ASIC2: variants seen among roughly 807,000 people sequenced by gnomAD.
ASIC2 encodes acid sensing ion channel subunit 2.
A neutral mutation model predicts 57.3 loss-of-function variants in ASIC2; 25 were observed. That is an observed-to-expected ratio of 0.44 (90% confidence interval 0.32 to 0.61). ASIC2 has a LOEUF of 0.61. ASIC2 is among the 20% of genes least tolerant of loss of function. The pLI is 0.06. For synonymous variants in ASIC2, 319 were observed against 307.5 expected (o/e 1.04, Z -0.39); for missense variants, 641 against 738.1 (o/e 0.87, Z 1.52).
chr17:33,887,396 G>C (rs994875668), intron 1 of ASIC2, among the ~76,000 whole-genome samples: 2 of 152,164 alleles, frequency 1.3e-5, no homozygotes, highest in South Asian at 2.1e-4. Context: ...GGTCCTAGAA[G>C]AAGAAGGCAC....
intron 1 of ASIC2, among the ~76,000 whole-genome samples, chr17:33,696,996 A>C (rs1334954871): frequency 6.6e-6 from 1 of 152,064 alleles, no homozygotes; most frequent in Non-Finnish European, 1.5e-5. Flanking sequence ...ATGGTTTTGC[A>C]CCATTCCTCT....
At chr17:33,421,419 G>T (rs1267489698) in intron 1 of ASIC2, among the ~76,000 whole-genome samples, 1 of 152,240 alleles carries the variant, frequency 6.6e-6, no homozygotes, top group Non-Finnish European at 1.5e-5. Context: ...GTAAGCGTCA[G>T]AGCTTTCCTC....
chr17:33,157,532 C>T lies in ASIC2; in HGVS notation c.709-45465G>A, dbSNP rs575883022. Among the ~76,000 whole-genome samples the T allele has an allele frequency of 2.1e-4, 32 of 152,268 alleles. No individual in the cohort carries two copies. In the South Asian group the frequency reaches 6.6e-3, roughly 32 times the overall value. ...TAGCTTATTATAAGTAAACTACATC[C>T]TTATAGTTTCTTGGGTCAGACATCC... On this transcript the variant is annotated intron_variant, in intron 1 of 9. Coordinates refer to ENST00000225823, the MANE Select transcript of ASIC2 (RefSeq NM_183377.2).
intron 1 of ASIC2, chr17:33,692,135 T>C (rs1249922999): frequency 1.3e-5 from 2 of 152,144 alleles, no homozygotes; most frequent in African/African-American, 2.4e-5. Flanking sequence ...CCATACTCAA[T>C]ACACCATATT....
At chr17:33,229,023 C>T (rs1188428823) in intron 1 of ASIC2, among the ~76,000 whole-genome samples, 3 of 152,178 alleles carry the variant, frequency 2.0e-5, no homozygotes, top group African/African-American at 4.8e-5. Flanking sequence ...TGAGAAGTTT[C>T]ATCCAGAGGA....
intron 1 of ASIC2, among the ~76,000 whole-genome samples, chr17:34,031,239 C>A (rs1237105730): frequency 6.6e-6 from 1 of 152,176 alleles, no homozygotes. Context: ...GCTGTGGATA[C>A]CCAGGCAAAC....
At chr17:33,958,089 C>T (rs1300202305) in intron 1 of ASIC2, among the ~76,000 whole-genome samples, 1 of 152,242 alleles carries the variant, frequency 6.6e-6, no homozygotes, top group Non-Finnish European at 1.5e-5. Flanking sequence ...TGTCTCACAT[C>T]CAGGTTATGC....
At chr17:34,028,812 G>A (rs1325197850) in intron 1 of ASIC2, among the ~76,000 whole-genome samples, 1 of 152,104 alleles carries the variant, frequency 6.6e-6, no homozygotes, top group Non-Finnish European at 1.5e-5. Context: ...ATCAAATGCA[G>A]ACAGCAAGTC....
intron 1 of ASIC2, among the ~76,000 whole-genome samples, chr17:33,209,189 G>C (rs892119779): frequency 3.9e-5 from 6 of 152,310 alleles, no homozygotes; most frequent in African/African-American, 1.4e-4. Context: ...CTAACCCTGA[G>C]CTAAGACTTT....
intron 1 of ASIC2, among the ~76,000 whole-genome samples, chr17:33,982,405 A>G (rs716408): frequency 0.028 from 4,288 of 152,198 alleles, 85 homozygotes; most frequent in Non-Finnish European, 0.042. Context: ...CTTGTAACTT[A>G]TGCTGGTGGG....
intron 1 of ASIC2, among the ~76,000 whole-genome samples, chr17:33,884,810 C>G (rs1247470742): frequency 1.3e-5 from 2 of 151,636 alleles, no homozygotes; most frequent in East Asian, 1.9e-4. Context: ...TAATCAAACT[C>G]TGAAGCCCAC....
At chr17:33,249,069 T>C (rs1908792895) in intron 1 of ASIC2, among the ~76,000 whole-genome samples, 1 of 152,184 alleles carries the variant, frequency 6.6e-6, no homozygotes, top group African/African-American at 2.4e-5. Context: ...GAGACATGGC[T>C]GGTTTCTCAA....
chr17:33,794,471 GT>G (rs1204142849), intron 1 of ASIC2: 1 of 152,320 alleles, frequency 6.6e-6, no homozygotes, highest in East Asian at 1.9e-4. Flanking sequence ...TGAGCATGTA[GT>G]ATGGATGAAT....
chr17:33,500,670 G>C (rs893615192), intron 1 of ASIC2, among the ~76,000 whole-genome samples: 2 of 152,198 alleles, frequency 1.3e-5, no homozygotes, highest in Admixed American at 1.3e-4. Context: ...ATTTCCAGGG[G>C]GCAGGGAATA....
chr17:33,669,551 T>C (rs943660798), intron 1 of ASIC2, among the ~76,000 whole-genome samples: 1 of 152,152 alleles, frequency 6.6e-6, no homozygotes, highest in African/African-American at 2.4e-5. Flanking sequence ...ACAACAATTT[T>C]ATAACCTATT....
intron 1 of ASIC2, among the ~76,000 whole-genome samples, chr17:33,911,052 A>G (rs1915451993): frequency 1.3e-5 from 2 of 152,226 alleles, no homozygotes; most frequent in Admixed American, 6.5e-5. Flanking sequence ...AGAGGCCCCC[A>G]TTTAGGCTGG....
chr17:33,765,284 A>G (rs1330055059), intron 1 of ASIC2, among the ~76,000 whole-genome samples: 1 of 151,242 alleles, frequency 6.6e-6, no homozygotes, highest in Admixed American at 6.6e-5. Context: ...TTTTTTTTGT[A>G]TTTTTAGTAG....
chr17:33,693,907 C>T (rs1257257798), intron 1 of ASIC2, among the ~76,000 whole-genome samples: 1 of 152,138 alleles, frequency 6.6e-6, no homozygotes, highest in Non-Finnish European at 1.5e-5. Flanking sequence ...TCTTTTAGTT[C>T]TAGTGTCACG....
At chr17:33,921,447 T>A (rs1915706941) in intron 1 of ASIC2, among the ~76,000 whole-genome samples, 1 of 152,160 alleles carries the variant, frequency 6.6e-6, no homozygotes, top group Non-Finnish European at 1.5e-5. Context: ...GGGGATGGGA[T>A]CATGCATGAG....
Sources: gnomAD v4.1 joint callset for allele counts (sites outside exome capture counted in the v4.1 genomes callset) on GRCh38, gnomAD v4.1.1 for gene constraint, MANE v1.5 for transcripts, NCBI Gene and HGNC (gene_info 2026-07-23, HGNC 2026-07-21) for gene names.